The following EPB41 variants were observed in gnomAD, a reference collection of about 807,000 sequenced individuals.
EPB41 encodes protein 4.1.
In EPB41, 65 loss-of-function variants were observed where a neutral mutation model predicts 108.0. That is an observed-to-expected ratio of 0.60 (90% CI 0.49 to 0.74). The LOEUF (loss-of-function observed/expected upper bound fraction) is 0.74. EPB41 is among the 30% of genes least tolerant of loss of function. EPB41 has a pLI of 0.00. For synonymous variants in EPB41, 336 were observed against 358.9 expected (o/e 0.94, Z 0.72); for missense variants, 875 against 1,037.0 (o/e 0.84, Z 2.15).
At chr1:29,080,172 G>A (rs944454335) in intron 16 of EPB41, among the ~76,000 whole-genome samples, 67 of 151,200 alleles carry the variant, frequency 4.4e-4, no homozygotes, top group African/African-American at 1.4e-3. Context: ...AGGCCAAAGT[G>A]CAGTGGCGCA....
At chr1:28,929,040 C>T (rs1218827080) in intron 1 of EPB41, among the ~76,000 whole-genome samples, 4 of 152,044 alleles carry the variant, frequency 2.6e-5, no homozygotes, top group Non-Finnish European at 5.9e-5. Context: ...ACATGATATA[C>T]CTCCCTTTTA....
At chr1:29,103,603 A>G (rs1283923144) in intron 17 of EPB41, among the ~76,000 whole-genome samples, 1 of 152,166 alleles carries the variant, frequency 6.6e-6, no homozygotes, top group Non-Finnish European at 1.5e-5. Flanking sequence ...ATTTGCCTTT[A>G]TTTCATTTTA....
chr1:28,897,608 GGGAGGGGAGA>G (rs1266878550), intron 1 of EPB41, among the ~76,000 whole-genome samples: 14 of 18,212 alleles, frequency 7.7e-4, no homozygotes, highest in East Asian at 0.014. Context: ...GGAAGGGGAG[GGGAGGGGAGA>G]GGAGGGGAGA....
intron 15 of EPB41, 67 bp downstream of exon 15, chr1:29,060,551 C>T (rs897175756): frequency 8.5e-6 from 12 of 1,406,492 alleles, no homozygotes; most frequent in Non-Finnish European, 1.2e-5. Flanking sequence ...TGCTGATCCC[C>T]TTTTCTTCAT....
In EPB41 at chr1:28,934,423, G is replaced by A. The variant is rs78085274; in HGVS notation, c.-8+19655G>A. Among the ~76,000 whole-genome samples, 1,290 of 152,126 alleles carry A rather than the reference G, an allele frequency of 8.5e-3. 11 individuals carry two copies. The highest frequency in any genetic ancestry group is 0.078 in the Middle Eastern group (23 of 294). The stretch of plus-strand genomic sequence containing the variant: ...TATGCATAGCCCACACCTAAGGAGT[G>A]GAGAGTTGTACTCTACCTCCTTGAG... On this transcript the variant is annotated intron_variant, in intron 1 of 20. Coordinates refer to ENST00000343067, the MANE Select transcript of EPB41 (RefSeq NM_001376013.1).
chr1:29,027,387 A>G (rs1206040669), intron 7 of EPB41, among the ~76,000 whole-genome samples: 1 of 149,574 alleles, frequency 6.7e-6, no homozygotes, highest in Non-Finnish European at 1.5e-5. Flanking sequence ...GCTGGAGTGC[A>G]ATGGCGCAAT....
chr1:29,061,721 G>A (rs12067260), intron 15 of EPB41, among the ~76,000 whole-genome samples: 19,116 of 151,270 alleles, frequency 0.13, 1,681 homozygotes, highest in African/African-American at 0.26. Context: ...CTGGGGCTAT[G>A]GGTGCATGCC....
chr1:29,015,382 A>G (rs2096564453), intron 5 of EPB41, among the ~76,000 whole-genome samples: 1 of 151,852 alleles, frequency 6.6e-6, no homozygotes, highest in Non-Finnish European at 1.5e-5. Context: ...ACATGGAGAA[A>G]TCCTGTCTCT....
At chr1:29,086,563 C>T (rs544731146) in intron 16 of EPB41, among the ~76,000 whole-genome samples, 26 of 152,166 alleles carry the variant, frequency 1.7e-4, no homozygotes, top group Middle Eastern at 3.4e-3. Context: ...TGAGCCACCG[C>T]GCCCGGCCAC....
chr1:29,049,712 A>G (rs1261890746), intron 11 of EPB41, among the ~76,000 whole-genome samples: 1 of 152,186 alleles, frequency 6.6e-6, no homozygotes, highest in East Asian at 1.9e-4. Context: ...CTGCTGTAGT[A>G]TATAACTATC....
At chr1:29,065,256 T>G (rs1647141736) in intron 16 of EPB41, 98 bp downstream of exon 16, 4 of 1,430,826 alleles carry the variant, frequency 2.8e-6, no homozygotes, top group Non-Finnish European at 3.7e-6. Context: ...AGAGCTGAAA[T>G]TTGGATTTGG....
At chr1:28,921,077 TG>T (rs2093036255) in intron 1 of EPB41, among the ~76,000 whole-genome samples, 1 of 152,182 alleles carries the variant, frequency 6.6e-6, no homozygotes, top group African/African-American at 2.4e-5. Flanking sequence ...CTAATAGAGT[TG>T]TTTTGAATTG....
At chr1:29,023,903 T>C (rs2096679941) in intron 7 of EPB41, among the ~76,000 whole-genome samples, 1 of 151,994 alleles carries the variant, frequency 6.6e-6, no homozygotes, top group Admixed American at 6.5e-5. Flanking sequence ...GTAAGTTACT[T>C]AAGCTCTCTA....
At chr1:28,982,334 C>G in intron 1 of EPB41, 1 of 648,356 alleles carries the variant, frequency 1.5e-6, no homozygotes, top group Non-Finnish European at 2.9e-6. Context: ...TATCTCTTTT[C>G]AAACTTGACC....
rs1234596499 is a variant in EPB41, at chr1:29,014,627, A to T, written c.830-1065A>T. 2.6e-5 allele frequency among the ~76,000 whole-genome samples: 4 copies of T among 152,076 alleles called. No individual in the cohort carries two copies. The East Asian group carries it at 7.7e-4, about 29-fold the overall frequency. On this transcript the variant is annotated intron_variant, in intron 5 of 20. Coordinates refer to ENST00000343067, the MANE Select transcript of EPB41 (RefSeq NM_001376013.1). ...GCCACCCAGGCTGGAGTGGAGTGGCACAATCCTAGCTCATTGCAGCCTTGA... is the reference window on the plus strand; with the variant it reads ...GCCACCCAGGCTGGAGTGGAGTGGCTCAATCCTAGCTCATTGCAGCCTTGA...
At chr1:29,004,092 A>G (rs2096355891) in intron 4 of EPB41, among the ~76,000 whole-genome samples, 1 of 152,178 alleles carries the variant, frequency 6.6e-6, no homozygotes, top group South Asian at 2.1e-4. Flanking sequence ...TCTGTGAGAG[A>G]TTTGTTGCCA....
chr1:28,915,889 T>G (rs1349602117), intron 1 of EPB41, among the ~76,000 whole-genome samples: 1 of 152,196 alleles, frequency 6.6e-6, no homozygotes, highest in African/African-American at 2.4e-5. Context: ...TAGTCAATGC[T>G]GTTGCTCATT....
At chr1:28,947,457 T>TAC (rs2094530551) in intron 1 of EPB41, among the ~76,000 whole-genome samples, 1 of 151,722 alleles carries the variant, frequency 6.6e-6, no homozygotes, top group Non-Finnish European at 1.5e-5. Flanking sequence ...AAACGGCCTT[T>TAC]TAATCTCTTG....
At chr1:28,908,572 C>T (rs2092016882) in intron 1 of EPB41, among the ~76,000 whole-genome samples, 1 of 150,434 alleles carries the variant, frequency 6.6e-6, no homozygotes, top group Non-Finnish European at 1.5e-5. Context: ...GCTGGGATTA[C>T]AGGCGTGTGC....
Sources: gnomAD v4.1 joint callset for allele counts (sites outside exome capture counted in the v4.1 genomes callset) on GRCh38, gnomAD v4.1.1 for gene constraint, MANE v1.5 for transcripts, NCBI Gene and HGNC (gene_info 2026-07-23, HGNC 2026-07-21) for gene names.